Variants in TMEM11 observed in about 807,000 individuals in gnomAD.
The protein encoded by TMEM11 is transmembrane protein 11, mitochondrial.
A neutral mutation model predicts 17.0 loss-of-function variants in TMEM11; 1 was observed. The ratio of observed to expected loss-of-function variants is 0.06; its 90% CI spans 0.02 to 0.28. TMEM11 has a LOEUF of 0.28. Ranked by LOEUF, TMEM11 falls within the 10% of genes least tolerant of loss-of-function variation. The pLI, the probability that TMEM11 is intolerant of heterozygous loss-of-function variation, is 1.00. For missense variants in TMEM11, 172 were observed against 252.9 expected (o/e 0.68, Z 2.17); for synonymous variants, 122 against 118.1 (o/e 1.03, Z -0.21).
At chr17:21,200,726 G>C (rs1242054845) in intron 1 of TMEM11, among the ~76,000 whole-genome samples, 1 of 152,254 alleles carries the variant, frequency 6.6e-6, no homozygotes, top group African/African-American at 2.4e-5. Context: ...ACAGGAACTA[G>C]CTTCCTTTCA....
chr17:21,211,035 C>T (rs765414487), intron 1 of TMEM11: 18 of 1,289,788 alleles, frequency 1.4e-5, no homozygotes, highest in South Asian at 9.9e-5. Flanking sequence ...TGAGCTGGTC[C>T]GGGCTGGCAC....
chr17:21,202,323 G>A (rs1308110134), intron 1 of TMEM11, among the ~76,000 whole-genome samples: 1 of 152,266 alleles, frequency 6.6e-6, no homozygotes, highest in Admixed American at 6.5e-5. Context: ...CACCAGAGGC[G>A]GGCTTCCTCC....
At chr17:21,205,974 C>T (rs1321291415) in intron 1 of TMEM11, among the ~76,000 whole-genome samples, 4 of 152,020 alleles carry the variant, frequency 2.6e-5, no homozygotes, top group African/African-American at 7.2e-5. Flanking sequence ...CTTCGGTTTC[C>T]ACCACTGGCT....
chr17:21,204,186 C>T lies in TMEM11; in HGVS notation c.63-5346G>A, dbSNP rs774218342. Among the ~76,000 whole-genome samples, 37 of 149,794 alleles carry T rather than the reference C, an allele frequency of 2.5e-4. 1 individual carries two copies. Among genetic ancestry groups the T allele is most frequent in the Non-Finnish European group, 4.7e-4 (32 of 67,514 alleles). On this transcript the variant is annotated intron_variant, in intron 1 of 1. Transcript: ENST00000317635. ...CAGTGGCTCATGCCTGTAATCCCAGCACTTTGGGAGGCCAAGGCAGGCGGA... is the reference window on the plus strand; with the variant it reads ...CAGTGGCTCATGCCTGTAATCCCAGTACTTTGGGAGGCCAAGGCAGGCGGA...
At chr17:21,209,833 T>C (rs1234936385) in intron 1 of TMEM11, among the ~76,000 whole-genome samples, 3 of 152,164 alleles carry the variant, frequency 2.0e-5, no homozygotes, top group Non-Finnish European at 2.9e-5. Flanking sequence ...GCTGCCCTAA[T>C]GGACTGCAGG....
chr17:21,198,400 T>C lies in TMEM11; in HGVS notation c.503A>G (p.Lys168Arg), dbSNP rs1307993130. Reference sequence around the variant, plus strand: ...CAGTGCTATCGTGTTGTGCAGTCTCTTTCTGTGCAGGTCGTCCTTCCGGAC... The same window carrying C: ...CAGTGCTATCGTGTTGTGCAGTCTCCTTCTGTGCAGGTCGTCCTTCCGGAC... Reference protein sequence around the residue: ...VLVRKDDLHRKRLHNTIALAA... With the variant: ...VLVRKDDLHRRRLHNTIALAA... The change falls in exon 2 of 2, where the codon AAG becomes AGG. Residue 168 changes from lysine to arginine, a missense_variant. Lys to Arg is a conservative substitution (Grantham distance 26, BLOSUM62 2). Around this residue, in one of 2 missense-constraint regions of TMEM11, gnomAD observed 123 missense variants for 213.6 expected, o/e 0.58. Transcript: ENST00000317635. The surrounding 1 kb of genome is among the most constrained non-coding windows in gnomAD (Gnocchi z 6.5). 4 of 1,614,116 alleles carry C rather than the reference T, an allele frequency of 2.5e-6. No individual in the cohort carries two copies. Among genetic ancestry groups the C allele is most frequent in the Non-Finnish European group, 3.4e-6 (4 of 1,180,054 alleles).
At chr17:21,211,370 C>A in intron 1 of TMEM11, 1 of 570,048 alleles carries the variant, frequency 1.8e-6, no homozygotes, top group Non-Finnish European at 2.8e-6. Context: ...CTATGCTGTC[C>A]AATATGGTAG....
chr17:21,203,493 G>A (rs1311570464), intron 1 of TMEM11, among the ~76,000 whole-genome samples: 2 of 122,436 alleles, frequency 1.6e-5, no homozygotes, highest in Non-Finnish European at 3.9e-5. Flanking sequence ...AAGGTGTGCA[G>A]ATCACTTGAT....
At chr17:21,202,750 C>G (rs1974896567) in intron 1 of TMEM11, among the ~76,000 whole-genome samples, 1 of 152,216 alleles carries the variant, frequency 6.6e-6, no homozygotes, top group Non-Finnish European at 1.5e-5. Context: ...TGTGGCCCGC[C>G]CCCCAGCACA....
Position 21,198,804 on chromosome 17 carries a change from A to G in TMEM11, c.99T>C (p.His33=). 6.2e-7 allele frequency: 1 copy of G among 1,612,210 alleles called. No homozygotes were observed. The highest frequency in any genetic ancestry group is 8.5e-7 in the Non-Finnish European group (1 of 1,178,882). Residue 33 remains histidine, a synonymous_variant, in exon 2 of 2, where the codon CAT becomes CAC. Coordinates refer to ENST00000317635, the MANE Select transcript of TMEM11 (RefSeq NM_003876.3). The surrounding 1 kb of genome is among the most constrained non-coding windows in gnomAD (Gnocchi z 6.5). ...SLSATDCYIV[H]EIYNGENAQD... ...GGGCATTCTCCCCATTGTAGATCTC[A>G]TGCACAATGTAGCAGTCTGTGGCCG...
chr17:21,213,889 C>T lies in TMEM11; in HGVS notation c.62+202G>A, dbSNP rs1468596694. 4 of 592,636 alleles carry T rather than the reference C, an allele frequency of 6.7e-6. No individual in the cohort carries two copies. The East Asian group carries it at 9.0e-5, about 13-fold the overall frequency. 36.7% of individuals were successfully genotyped at this position (592,636 alleles called of 1,614,324 possible). A position where few individuals can be genotyped will look rare whatever the true frequency, so the allele number is the denominator to read the frequency against. ...TACTCAGCCCGGCTAACGCCCCTTC[C>T]CCTAAGCTCTCCGCCGAGGCCTTCG... On this transcript the variant is annotated intron_variant, in intron 1 of 1. Coordinates refer to ENST00000317635, the MANE Select transcript of TMEM11 (RefSeq NM_003876.3).
intron 1 of TMEM11, among the ~76,000 whole-genome samples, chr17:21,203,114 G>A (rs1168721010): frequency 2.0e-5 from 3 of 152,230 alleles, no homozygotes; most frequent in Non-Finnish European, 2.9e-5. Flanking sequence ...GGGAATCTCG[G>A]TTTCCACTGG....
intron 1 of TMEM11, among the ~76,000 whole-genome samples, chr17:21,199,328 G>GAAAAAAAAAAAAAAAAAA (rs58031189): frequency 3.8e-5 from 3 of 78,300 alleles, no homozygotes; most frequent in African/African-American, 1.6e-4. Flanking sequence ...CTCAGTCTCA[G>GAAAAAAAAAAAAAAAAAA]AAAAAAAAAA....
intron 1 of TMEM11, among the ~76,000 whole-genome samples, chr17:21,200,033 C>T (rs1312992994): frequency 6.6e-6 from 1 of 152,222 alleles, no homozygotes; most frequent in African/African-American, 2.4e-5. Context: ...GGAGACCACA[C>T]AAGGGGCTTT....
chr17:21,213,727 T>C (rs1975028663), intron 1 of TMEM11: 1 of 253,610 alleles, frequency 3.9e-6, no homozygotes, highest in African/African-American at 2.3e-5. Flanking sequence ...GCCACGCGCG[T>C]GCCCAGGCGG....
chr17:21,214,107 C>G lies in TMEM11; in HGVS notation c.46G>C (p.Gly16Arg), dbSNP rs144112933. ...RRRLGPGSSG[G>R]SARERVSLSA... ...GGATCTCACCTCTCTCGGGCGCTGC[C>G]GCCACTGCTGCCCGGGCCAAGACGC... The change falls in exon 1 of 2, where the codon GGC becomes CGC. Residue 16 changes from glycine (G) to arginine (R), a missense_variant. Around this residue, in one of 2 missense-constraint regions of TMEM11, gnomAD observed 49 missense variants for 39.3 expected, o/e 1.25. Transcript: ENST00000317635. 1.1e-4 allele frequency: 170 copies of G among 1,611,376 alleles called. No homozygotes were observed. Among genetic ancestry groups the G allele is most frequent in the Non-Finnish European group, 1.3e-4 (158 of 1,179,506 alleles).
rs1974850144 is a variant in TMEM11 at position 21,198,924 on chromosome 17, T to C, written c.63-84A>G. The C allele has an allele frequency of 1.3e-6, 2 of 1,485,712 alleles. No individual in the cohort carries two copies. Among genetic ancestry groups the C allele is most frequent in the African/African-American group, 1.4e-5 (1 of 72,384 alleles). The allele number at this position is 1,485,712 out of a possible 1,614,324, so 92.0% of individuals were successfully genotyped here. A position where few individuals can be genotyped will look rare whatever the true frequency, so the allele number is the denominator to read the frequency against. On this transcript the variant is annotated intron_variant, in intron 1 of 1. Coordinates refer to ENST00000317635, the MANE Select transcript of TMEM11 (RefSeq NM_003876.3). This position sits in a 1 kb window ranked among gnomAD's most constrained non-coding sequence, Gnocchi z 6.5. ...GGAGCACTTAACTGTGTTTCAGCGC[T>C]GGGGGAGGTCTGAGCCTGCACTGCG...
At chr17:21,213,907 G>A (rs1407265907) in intron 1 of TMEM11, 184 bp downstream of exon 1, 2 of 609,056 alleles carry the variant, frequency 3.3e-6, no homozygotes, top group East Asian at 3.0e-5. Context: ...TCTCCGCCGA[G>A]GCCTTCGACC....
intron 1 of TMEM11, among the ~76,000 whole-genome samples, chr17:21,203,138 G>A (rs1307885449): frequency 6.6e-6 from 1 of 152,222 alleles, no homozygotes; most frequent in Admixed American, 6.5e-5. Flanking sequence ...AGGACAACAC[G>A]TGAAGTCTAG....
Sources: allele counts gnomAD v4.1 joint callset (sites outside exome capture counted in the v4.1 genomes callset), GRCh38; gene constraint gnomAD v4.1.1; regional missense constraint gnomAD v4.1.1; non-coding constraint Gnocchi (gnomAD v3.1); transcripts MANE v1.5; gene names NCBI Gene and HGNC (gene_info 2026-07-23, HGNC 2026-07-21).